The following PDZRN4 variants were observed in gnomAD, a reference collection of about 807,000 sequenced individuals.
PDZRN4 encodes the protein PDZ domain-containing RING finger protein 4.
PDZRN4 carries 70 observed loss-of-function variants against 99.0 expected under a neutral mutation model. The observed-to-expected ratio is 0.71, with a 90% CI of 0.58 to 0.86. The LOEUF is 0.86. PDZRN4 is among the 40% of genes least tolerant of loss of function. The pLI, the probability that PDZRN4 is intolerant of heterozygous loss-of-function variation, is 0.00. For synonymous variants in PDZRN4, 551 were observed against 501.6 expected, an observed-to-expected ratio of 1.10 and a Z score of -1.32; for missense variants, 1,474 against 1,331.2, an observed-to-expected ratio of 1.11 and a Z score of -1.67.
At chr12:41,258,086 CTACTCCCTG>C (rs1227365931) in intron 3 of PDZRN4, among the ~76,000 whole-genome samples, 13 of 152,154 alleles carry the variant, frequency 8.5e-5, no homozygotes, top group African/African-American at 3.1e-4. Context: ...ACACAATGAG[CTACTCCCTG>C]TGTAATAACT....
At chr12:41,420,909 T>G (rs924557596) in intron 3 of PDZRN4, among the ~76,000 whole-genome samples, 1 of 152,168 alleles carries the variant, frequency 6.6e-6, no homozygotes, top group African/African-American at 2.4e-5. Flanking sequence ...AATCTCATCA[T>G]ACTCAACTCA....
rs765328162 is a variant in PDZRN4, at chr12:41,573,915, T to C, written c.*25T>C. ...ACCGAATGAATGGAATGCATGCGACTGATTTTAGGAGGATGCTACCAGTTT... is the reference window on the plus strand; with the variant it reads ...ACCGAATGAATGGAATGCATGCGACCGATTTTAGGAGGATGCTACCAGTTT... On this transcript the variant is annotated 3_prime_UTR_variant, in exon 10 of 10. Coordinates refer to ENST00000402685, the MANE Select transcript of PDZRN4 (RefSeq NM_001164595.2). The C allele has an allele frequency of 1.7e-5, 25 of 1,467,468 alleles. No individual in the cohort carries two copies. The East Asian group carries it at 4.1e-4, about 24-fold the overall frequency. The allele number at this position is 1,467,468 out of a possible 1,614,324, so 90.9% of individuals were successfully genotyped here. A position where few individuals can be genotyped will look rare whatever the true frequency, so the allele number is the denominator to read the frequency against.
At chr12:41,393,342 G>T (rs984320522) in intron 3 of PDZRN4, among the ~76,000 whole-genome samples, 1 of 152,080 alleles carries the variant, frequency 6.6e-6, no homozygotes, top group Non-Finnish European at 1.5e-5. Flanking sequence ...GGTTTGCATT[G>T]TTGCCGTGGC....
intron 3 of PDZRN4, among the ~76,000 whole-genome samples, chr12:41,345,505 G>A (rs1951846942): frequency 6.6e-6 from 1 of 152,128 alleles, no homozygotes; most frequent in South Asian, 2.1e-4. Flanking sequence ...AATATACAAA[G>A]GGTTCTAGTC....
intron 3 of PDZRN4, among the ~76,000 whole-genome samples, chr12:41,492,860 C>T (rs1044767134): frequency 6.6e-6 from 1 of 152,146 alleles, no homozygotes; most frequent in Non-Finnish European, 1.5e-5. Context: ...TCTAAATCAA[C>T]AAAATCAACC....
chr12:41,389,013 A>G (rs1352735613), intron 3 of PDZRN4, among the ~76,000 whole-genome samples: 1 of 152,286 alleles, frequency 6.6e-6, no homozygotes, highest in East Asian at 1.9e-4. Context: ...CTTGTCATAA[A>G]GTTGGCTGTG....
At chr12:41,460,393 C>A (rs1281056737) in intron 3 of PDZRN4, among the ~76,000 whole-genome samples, 1 of 152,122 alleles carries the variant, frequency 6.6e-6, no homozygotes, top group Non-Finnish European at 1.5e-5. Flanking sequence ...AATAGAGAAG[C>A]ATTTCCTGAA....
intron 3 of PDZRN4, among the ~76,000 whole-genome samples, chr12:41,478,107 T>A (rs1002723948): frequency 6.6e-6 from 1 of 152,060 alleles, no homozygotes; most frequent in African/African-American, 2.4e-5. Flanking sequence ...AATAATACAT[T>A]AAATTTTTTT....
At position 41,311,817 on chromosome 12, in the gene PDZRN4, T is replaced by C. The variant is rs549231650; in HGVS notation, c.843+117629T>C. ...AGACTTGATAGGTATCGTGTGACTT[T>C]TAAAAGAAAACATGTTAGAAAATTA... On this transcript the variant is annotated intron_variant, in intron 3 of 9. Transcript: ENST00000402685. 2.6e-5 allele frequency among the ~76,000 whole-genome samples: 4 copies of C among 152,332 alleles called. No individual in the cohort carries two copies. The East Asian group carries it at 7.7e-4, about 29-fold the overall frequency.
At chr12:41,551,439 T>A (rs970510948) in intron 5 of PDZRN4, among the ~76,000 whole-genome samples, 3 of 152,048 alleles carry the variant, frequency 2.0e-5, no homozygotes, top group Non-Finnish European at 4.4e-5. Flanking sequence ...ACTTTCATAA[T>A]CTTTACACAC....
intron 3 of PDZRN4, among the ~76,000 whole-genome samples, chr12:41,221,683 T>G (rs1311897846): frequency 5.3e-5 from 8 of 152,092 alleles, no homozygotes; most frequent in Non-Finnish European, 5.9e-5. Flanking sequence ...CGCAAGCAGT[T>G]AGCGGTCAAA....
rs147780684 is a variant in PDZRN4 at position 41,453,376 on chromosome 12, T to C, written c.844-53080T>C. Among the ~76,000 whole-genome samples, 4 of 152,346 alleles carry C rather than the reference T, an allele frequency of 2.6e-5. No individual in the cohort carries two copies. In the East Asian group the frequency reaches 5.8e-4, roughly 22 times the overall value. On this transcript the variant is annotated intron_variant, in intron 3 of 9. Transcript: ENST00000402685. ...AAGGTCGGGCTCCTTAAGGTTACAT[T>C]GTCCTTCTCCTCTTTACCCACTTTG...
chr12:41,480,669 G>T (rs547810570), intron 3 of PDZRN4, among the ~76,000 whole-genome samples: 65 of 152,100 alleles, frequency 4.3e-4, no homozygotes, highest in Non-Finnish European at 8.1e-4. Context: ...ACCAAATGCA[G>T]ATTTTCATAT....
chr12:41,496,833 A>G (rs955946806), intron 3 of PDZRN4, among the ~76,000 whole-genome samples: 2 of 152,154 alleles, frequency 1.3e-5, no homozygotes, highest in Non-Finnish European at 2.9e-5. Flanking sequence ...GCACATTTTT[A>G]GGCCCTGAAA....
chr12:41,291,349 C>T (rs916833406), intron 3 of PDZRN4, among the ~76,000 whole-genome samples: 2 of 152,066 alleles, frequency 1.3e-5, no homozygotes, highest in South Asian at 2.1e-4. Flanking sequence ...AGGTGAAGGC[C>T]TTCGTGAGCA....
At chr12:41,550,988 A>C (rs1224065502) in intron 5 of PDZRN4, among the ~76,000 whole-genome samples, 1 of 152,208 alleles carries the variant, frequency 6.6e-6, no homozygotes, top group African/African-American at 2.4e-5. Flanking sequence ...TTCATTTTGT[A>C]CTGGTAACTA....
At chr12:41,415,248 AT>A (rs1952434685) in intron 3 of PDZRN4, among the ~76,000 whole-genome samples, 1 of 151,862 alleles carries the variant, frequency 6.6e-6, no homozygotes, top group Non-Finnish European at 1.5e-5. Flanking sequence ...GTTGGATACA[AT>A]AAAAAATGTA....
At position 41,413,314 on chromosome 12, in the gene PDZRN4, A is replaced by G. The variant is rs187826902; in HGVS notation, c.844-93142A>G. Among the ~76,000 whole-genome samples, 34 of 152,270 alleles carry G rather than the reference A, an allele frequency of 2.2e-4. No homozygotes were observed. In the East Asian group the frequency reaches 4.6e-3, roughly 21 times the overall value. On this transcript the variant is annotated intron_variant, in intron 3 of 9. Coordinates refer to ENST00000402685, the MANE Select transcript of PDZRN4 (RefSeq NM_001164595.2). ...CTCACTCATATGTGGGAGCTAAAAG[A>G]ATATTTTCATGCAATTAAAAAGTAA...
At chr12:41,461,168 G>A (rs1453413368) in intron 3 of PDZRN4, among the ~76,000 whole-genome samples, 1 of 151,794 alleles carries the variant, frequency 6.6e-6, no homozygotes, top group East Asian at 1.9e-4. Flanking sequence ...AAAAGCAACA[G>A]CATAAAACAA....
Sources: gnomAD v4.1 joint callset for allele counts (sites outside exome capture counted in the v4.1 genomes callset) on GRCh38, gnomAD v4.1.1 for gene constraint, MANE v1.5 for transcripts, NCBI Gene and HGNC (gene_info 2026-07-23, HGNC 2026-07-21) for gene names.